Variants in KCTD4 observed in about 807,000 individuals in gnomAD.
The protein encoded by KCTD4 is BTB/POZ domain-containing protein KCTD4.
Under a neutral mutation model 18.3 loss-of-function variants are expected in KCTD4, and 12 were observed. The observed-to-expected ratio is 0.66, with a 90% CI of 0.42 to 1.06. KCTD4 has a LOEUF of 1.06. KCTD4 is among the 50% of genes least tolerant of loss of function. The pLI is 0.00. For missense variants in KCTD4, 250 were observed against 303.4 expected (o/e 0.82, Z 1.31); for synonymous variants, 124 against 110.5 (o/e 1.12, Z -0.76).
At chr13:45,197,878 G>A (rs538600016) in intron 1 of KCTD4, among the ~76,000 whole-genome samples, 54 of 152,290 alleles carry the variant, frequency 3.5e-4, no homozygotes, top group African/African-American at 1.3e-3. Flanking sequence ...TCAATTTAAT[G>A]GTTTCAGCAG....
chr13:45,197,028 G>T (rs1872929125), intron 1 of KCTD4, among the ~76,000 whole-genome samples: 3 of 151,710 alleles, frequency 2.0e-5, no homozygotes, highest in African/African-American at 7.3e-5. Flanking sequence ...CTCCTTGATT[G>T]TTTTTTCTCA....
chr13:45,194,122 TGG>T lies in KCTD4; in HGVS notation c.444_445del (p.Asn148LysfsTer12). On this transcript the variant is annotated frameshift_variant, in exon 2 of 2. Coordinates refer to ENST00000379108, the MANE Select transcript of KCTD4 (RefSeq NM_198404.3). LOFTEE classifies it high-confidence loss of function. ...GATTCTTAATCCTTGTGAACGATCG[TGG>T]TTATCTGTTATTTCCAAGAAAGTAG... The T allele has an allele frequency of 6.2e-7, 1 of 1,614,014 alleles. No individual in the cohort carries two copies. The highest frequency in any genetic ancestry group is 8.5e-7 in the Non-Finnish European group (1 of 1,179,914).
chr13:45,193,631 G>A lies in KCTD4; in HGVS notation c.*157C>T, dbSNP rs1872742521. 7.8e-6 allele frequency: 5 copies of A among 638,456 alleles called. No individual in the cohort carries two copies. The highest frequency in any genetic ancestry group is 1.3e-5 in the Non-Finnish European group (5 of 377,292). The allele number at this position is 638,456 out of a possible 1,614,324, so 39.5% of individuals were successfully genotyped here. On this transcript the variant is annotated 3_prime_UTR_variant, in exon 2 of 2. Coordinates refer to ENST00000379108, the MANE Select transcript of KCTD4 (RefSeq NM_198404.3). ...ACCCCAGAGGAAGGACATCTTTAGC[G>A]ATAGAATTTACATACCGTTAGCTCA...
chr13:45,200,224 G>A (rs762898878), intron 1 of KCTD4, among the ~76,000 whole-genome samples: 1 of 152,002 alleles, frequency 6.6e-6, no homozygotes, highest in Non-Finnish European at 1.5e-5. Context: ...ACAGGGAGGA[G>A]GGAAAGAATT....
intron 1 of KCTD4, among the ~76,000 whole-genome samples, chr13:45,199,255 G>A (rs1178968031): frequency 1.3e-5 from 2 of 152,190 alleles, no homozygotes; most frequent in Admixed American, 1.3e-4. Context: ...ATTGGTAAAT[G>A]TTTTAGCTTC....
intron 1 of KCTD4, among the ~76,000 whole-genome samples, chr13:45,198,066 G>A (rs926270551): frequency 1.3e-5 from 2 of 152,228 alleles, no homozygotes; most frequent in Non-Finnish European, 2.9e-5. Flanking sequence ...GTCTTAGACA[G>A]CTTTAATCAT....
rs183541796 is a variant in KCTD4, at chr13:45,196,166, A to G, written c.-187-1412T>C. ...TAACATTTATGTATTATTGAGATCAAAAGTTCGTTGAAATCGAACTAGAAA... is the reference window on the plus strand; with the variant it reads ...TAACATTTATGTATTATTGAGATCAGAAGTTCGTTGAAATCGAACTAGAAA... On this transcript the variant is annotated intron_variant, in intron 1 of 1. Transcript: ENST00000379108. 2.6e-5 allele frequency among the ~76,000 whole-genome samples: 4 copies of G among 152,362 alleles called. No individual in the cohort carries two copies. The East Asian group carries it at 7.7e-4, about 29-fold the overall frequency.
At chr13:45,199,373 G>C (rs1873061911) in intron 1 of KCTD4, among the ~76,000 whole-genome samples, 1 of 152,188 alleles carries the variant, frequency 6.6e-6, no homozygotes, top group South Asian at 2.1e-4. Context: ...ACATTTCTTT[G>C]ATTTTCACTA....
chr13:45,195,153 T>A (rs1281867673), intron 1 of KCTD4, among the ~76,000 whole-genome samples: 1 of 152,210 alleles, frequency 6.6e-6, no homozygotes, highest in Non-Finnish European at 1.5e-5. Context: ...CAAATAAGAA[T>A]ACTTAACCTG....
At chr13:45,196,859 G>C (rs960525426) in intron 1 of KCTD4, among the ~76,000 whole-genome samples, 1 of 152,174 alleles carries the variant, frequency 6.6e-6, no homozygotes, top group African/African-American at 2.4e-5. Context: ...ACAGCTGGAA[G>C]TGGGACTGCT....
In KCTD4 at chr13:45,193,433, T is replaced by G. The variant is rs1566130073; in HGVS notation, c.*355A>C. The G allele has an allele frequency of 5.7e-6, 1 of 176,884 alleles. No individual in the cohort carries two copies. Among genetic ancestry groups the G allele is most frequent in the Non-Finnish European group, 1.2e-5 (1 of 84,670 alleles). The allele number at this position is 176,884 out of a possible 1,614,324, so 11.0% of individuals were successfully genotyped here. A position where few individuals can be genotyped will look rare whatever the true frequency, so the allele number is the denominator to read the frequency against. On this transcript the variant is annotated 3_prime_UTR_variant, in exon 2 of 2. Coordinates refer to ENST00000379108, the MANE Select transcript of KCTD4 (RefSeq NM_198404.3). ...CTTAAAATATTTTATTACCATTTAC[T>G]TAAATGAACGATAGATAATGTACAT...
rs1303531608 is a variant in KCTD4 at position 45,200,983 on chromosome 13, G to C, written c.-347C>G. On this transcript the variant is annotated 5_prime_UTR_variant, in exon 1 of 2. Coordinates refer to ENST00000379108, the MANE Select transcript of KCTD4 (RefSeq NM_198404.3). ...TCCTCTGGTCTGGGTTTTTACAGGA[G>C]CTGGAAGTTCTCTTAAAGGCCTCCA... 6.6e-6 allele frequency among the ~76,000 whole-genome samples: 1 copy of C among 152,182 alleles called. No homozygotes were observed. The highest frequency in any genetic ancestry group is 1.9e-4 in the East Asian group (1 of 5,196).
chr13:45,196,619 A>G (rs935365832), intron 1 of KCTD4, among the ~76,000 whole-genome samples: 5 of 152,106 alleles, frequency 3.3e-5, no homozygotes, highest in Non-Finnish European at 7.4e-5. Context: ...TCTTTTTTTG[A>G]ACTTTATAGG....
chr13:45,199,761 T>C (rs1411901777), intron 1 of KCTD4, among the ~76,000 whole-genome samples: 12 of 152,226 alleles, frequency 7.9e-5, no homozygotes, highest in Non-Finnish European at 2.9e-5. Context: ...AAAACTCTTG[T>C]AAAGGTAGTA....
At chr13:45,195,907 C>G (rs550218799) in intron 1 of KCTD4, among the ~76,000 whole-genome samples, 23 of 152,298 alleles carry the variant, frequency 1.5e-4, no homozygotes, top group African/African-American at 5.1e-4. Flanking sequence ...CTGCCCACCT[C>G]AGCCTCCCAG....
chr13:45,194,709 C>T lies in KCTD4; in HGVS notation c.-142G>A, dbSNP rs891219541. On this transcript the variant is annotated 5_prime_UTR_variant, in exon 2 of 2. Coordinates refer to ENST00000379108, the MANE Select transcript of KCTD4 (RefSeq NM_198404.3). ...GGCAGCATCGCCTGCGCTGTCAGCT[C>T]GGTTTTGCAGTAGGTGGCGTATCAG... is the stretch of plus-strand genomic sequence containing the variant. 1.4e-6 allele frequency: 1 copy of T among 736,034 alleles called. No homozygotes were observed. Among genetic ancestry groups the T allele is most frequent in the Non-Finnish European group, 2.3e-6 (1 of 440,064 alleles). The allele number at this position is 736,034 out of a possible 1,614,324, so 45.6% of individuals were successfully genotyped here.
chr13:45,195,560 C>A (rs1872849109), intron 1 of KCTD4, among the ~76,000 whole-genome samples: 1 of 152,098 alleles, frequency 6.6e-6, no homozygotes, highest in African/African-American at 2.4e-5. Context: ...TCACAGTGGG[C>A]AAAATAAATC....
chr13:45,193,860 A>T lies in KCTD4; in HGVS notation c.708T>A (p.Phe236Leu). Residue 236 changes from phenylalanine (F) to leucine (L), a missense_variant, in exon 2 of 2, where the codon TTT (phenylalanine) becomes TTA (leucine). By Grantham distance (22) the Phe-to-Leu change is conservative (BLOSUM62 0). Coordinates refer to ENST00000379108, the MANE Select transcript of KCTD4 (RefSeq NM_198404.3). The stretch of plus-strand genomic sequence containing the variant: ...AACAATCCAGGCTGGTCAGCAGTCT[A>T]AAGCCACACTTTAAAGCCATCATGA... ...EAIMMALKCG[F>L]RLLTSLDCSK... 6.2e-7 allele frequency: 1 copy of T among 1,614,104 alleles called. No homozygotes were observed. The highest frequency in any genetic ancestry group is 8.5e-7 in the Non-Finnish European group (1 of 1,179,978).
chr13:45,194,833 T>C (rs1872811985), intron 1 of KCTD4, 79 bp from the exon 2 acceptor site: 2 of 455,670 alleles, frequency 4.4e-6, no homozygotes, highest in South Asian at 9.1e-5. Flanking sequence ...TTCATGTCTA[T>C]CCTTTGAAGT....
Sources: gnomAD v4.1 joint callset for allele counts (sites outside exome capture counted in the v4.1 genomes callset) on GRCh38, gnomAD v4.1.1 for gene constraint, MANE v1.5 for transcripts, NCBI Gene and HGNC (gene_info 2026-07-23, HGNC 2026-07-21) for gene names.